Variants in SLC39A11 observed in about 807,000 individuals in gnomAD.
The protein encoded by SLC39A11 is zinc transporter ZIP11.
Under a neutral mutation model 36.1 loss-of-function variants are expected in SLC39A11, and 33 were observed. That is an observed-to-expected ratio of 0.91 (90% CI 0.69 to 1.22). SLC39A11 has a LOEUF of 1.22. Ranked by LOEUF, SLC39A11 falls within the 50% of genes most tolerant of loss-of-function variation. The probability of loss-of-function intolerance (pLI) is 0.00; values close to 1 mark genes in which losing one functional copy is unlikely to be tolerated. For missense variants in SLC39A11, 432 were observed against 430.3 expected (o/e 1.00, Z -0.03); for synonymous variants, 166 against 170.3 (o/e 0.97, Z 0.20).
intron 7 of SLC39A11, among the ~76,000 whole-genome samples, chr17:72,664,983 A>G (rs2070662190): frequency 6.6e-6 from 1 of 152,196 alleles, no homozygotes; most frequent in African/African-American, 2.4e-5. Context: ...CTTCTCAGTT[A>G]TCAGTGGCTC....
intron 4 of SLC39A11, among the ~76,000 whole-genome samples, chr17:72,953,134 A>ACCAC (rs1376918629): frequency 6.6e-6 from 1 of 151,952 alleles, no homozygotes; most frequent in African/African-American, 2.4e-5. Flanking sequence ...GGCATGAGGT[A>ACCAC]CCACCCACCC....
At chr17:72,817,784 G>A (rs2077633141) in intron 6 of SLC39A11, 2 of 152,134 alleles carry the variant, frequency 1.3e-5, no homozygotes, top group Admixed American at 6.5e-5. Context: ...CCCCATGGTG[G>A]TCTGTATTAT....
chr17:72,768,327 T>C (rs2075822652), intron 6 of SLC39A11, among the ~76,000 whole-genome samples: 3 of 152,240 alleles, frequency 2.0e-5, no homozygotes, highest in Admixed American at 1.3e-4. Flanking sequence ...AAATGTCTTC[T>C]GAAGTTAGCT....
At chr17:72,971,443 G>A (rs1354761343) in intron 4 of SLC39A11, among the ~76,000 whole-genome samples, 6 of 151,968 alleles carry the variant, frequency 3.9e-5, no homozygotes, top group South Asian at 2.1e-4. Flanking sequence ...ATGGCACAGC[G>A]CCCCCCGATT....
chr17:72,683,050 G>A (rs560425185), intron 7 of SLC39A11, among the ~76,000 whole-genome samples: 2 of 152,218 alleles, frequency 1.3e-5, no homozygotes, highest in Non-Finnish European at 2.9e-5. Flanking sequence ...GTCACTCACA[G>A]CACCTTTACT....
chr17:72,844,579 G>C (rs2078969426), intron 6 of SLC39A11, among the ~76,000 whole-genome samples: 1 of 152,166 alleles, frequency 6.6e-6, no homozygotes, highest in African/African-American at 2.4e-5. Context: ...CGAGGCAGGA[G>C]AACCTCTTGA....
At chr17:72,958,866 GAAAA>G (rs1352681278) in intron 4 of SLC39A11, among the ~76,000 whole-genome samples, 1 of 95,434 alleles carries the variant, frequency 1.0e-5, no homozygotes, top group Non-Finnish European at 2.2e-5. Flanking sequence ...AAAGAAAAAA[GAAAA>G]AAAAAAAAAG....
At chr17:72,768,948 G>C (rs892009418) in intron 6 of SLC39A11, among the ~76,000 whole-genome samples, 2 of 152,028 alleles carry the variant, frequency 1.3e-5, no homozygotes, top group African/African-American at 4.8e-5. Context: ...TTTTAGTAGA[G>C]ATGGGGTTTC....
rs953635248 is a variant in SLC39A11, at chr17:72,665,395, T to TTTTTTTTTG, written c.672-16128_672-16127insCAAAAAAAA. Among the ~76,000 whole-genome samples the TTTTTTTTTG allele has an allele frequency of 6.5e-5, 8 of 122,330 alleles. 1 individual carries two copies. Among genetic ancestry groups the TTTTTTTTTG allele is most frequent in the African/African-American group, 2.0e-4 (7 of 34,454 alleles). The allele number at this position is 122,330 out of a possible 152,430, so 80.3% of individuals were successfully genotyped here. A position where few individuals can be genotyped will look rare whatever the true frequency, so the allele number is the denominator to read the frequency against. On this transcript the variant is annotated intron_variant, in intron 7 of 9. Coordinates refer to ENST00000255559, the MANE Select transcript of SLC39A11 (RefSeq NM_139177.4). ...AGCCACCAAGTTTTGAGGTGTTTTTTTTTTTTTTTTTTTTTGAGACAGGGT... is the reference window on the plus strand; with the variant it reads ...AGCCACCAAGTTTTGAGGTGTTTTTTTTTTTTTTGTTTTTTTTTTTTTTTGAGACAGGGT...
At chr17:73,047,990 A>AAAAAAAATATATATATAT (rs1555693446) in intron 3 of SLC39A11, among the ~76,000 whole-genome samples, 1 of 58,700 alleles carries the variant, frequency 1.7e-5, no homozygotes, top group Non-Finnish European at 3.0e-5. Context: ...AAAAAAAAAA[A>AAAAAAAATATATATATAT]ATATATATAT....
chr17:72,914,512 T>A (rs1457322612), intron 5 of SLC39A11, among the ~76,000 whole-genome samples: 3 of 152,168 alleles, frequency 2.0e-5, no homozygotes, highest in Non-Finnish European at 2.9e-5. Flanking sequence ...CATCAAGGAC[T>A]GGTGCATCTG....
chr17:72,687,665 G>A (rs1446802113), intron 7 of SLC39A11, among the ~76,000 whole-genome samples: 1 of 152,170 alleles, frequency 6.6e-6, no homozygotes, highest in Non-Finnish European at 1.5e-5. Context: ...CCTAAGATGT[G>A]GGGCAAATAG....
intron 4 of SLC39A11, among the ~76,000 whole-genome samples, chr17:72,965,655 T>C (rs1348367074): frequency 6.6e-6 from 1 of 152,210 alleles, no homozygotes; most frequent in African/African-American, 2.4e-5. Flanking sequence ...TATTTTCAGC[T>C]ATGATAGGTT....
At chr17:72,896,012 T>C (rs1238539100) in intron 5 of SLC39A11, among the ~76,000 whole-genome samples, 2 of 152,034 alleles carry the variant, frequency 1.3e-5, no homozygotes, top group African/African-American at 4.8e-5. Context: ...TGCATATGTA[T>C]GATTCAGTAT....
chr17:73,030,613 C>T (rs2058708016), intron 4 of SLC39A11, among the ~76,000 whole-genome samples: 1 of 152,182 alleles, frequency 6.6e-6, no homozygotes, highest in African/African-American at 2.4e-5. Flanking sequence ...GAGAGTTCTC[C>T]CTGCACCACT....
chr17:72,818,140 G>A (rs1460619004), intron 6 of SLC39A11, among the ~76,000 whole-genome samples: 1 of 152,174 alleles, frequency 6.6e-6, no homozygotes, highest in African/African-American at 2.4e-5. Context: ...TGAGATTTGG[G>A]TGGGGATACA....
chr17:72,925,013 A>AG (rs1254926092), intron 5 of SLC39A11, among the ~76,000 whole-genome samples: 1 of 151,096 alleles, frequency 6.6e-6, no homozygotes, highest in Non-Finnish European at 1.5e-5. Flanking sequence ...AAAAAAAAAA[A>AG]AAAAAAAAGC....
intron 7 of SLC39A11, among the ~76,000 whole-genome samples, chr17:72,664,852 T>C (rs1374485577): frequency 6.6e-6 from 1 of 152,210 alleles, no homozygotes; most frequent in Non-Finnish European, 1.5e-5. Context: ...TCTTCTTCTC[T>C]TCTGATTTCT....
intron 6 of SLC39A11, among the ~76,000 whole-genome samples, chr17:72,847,013 C>CT (rs2079081391): frequency 6.6e-6 from 1 of 152,144 alleles, no homozygotes; most frequent in South Asian, 2.1e-4. Context: ...CGAGCAGGGT[C>CT]TTCCACCAAG....
Sources: gnomAD v4.1 joint callset for allele counts (sites outside exome capture counted in the v4.1 genomes callset) on GRCh38, gnomAD v4.1.1 for gene constraint, MANE v1.5 for transcripts, NCBI Gene and HGNC (gene_info 2026-07-23, HGNC 2026-07-21) for gene names.